Variants in NOVA1 observed in about 807,000 individuals in gnomAD.
The protein encoded by NOVA1 is NOVA alternative splicing regulator 1, also known as RNA-binding protein Nova-1.
In NOVA1, 7 loss-of-function variants were observed where a neutral mutation model predicts 38.0. The observed-to-expected ratio is 0.18, with a 90% CI of 0.10 to 0.35. The LOEUF (loss-of-function observed/expected upper bound fraction) is 0.35, where lower values mean the gene tolerates loss of function less well. Ranked by LOEUF, NOVA1 falls within the 10% of genes least tolerant of loss-of-function variation. The probability of loss-of-function intolerance (pLI) is 1.00; values close to 1 mark genes in which losing one functional copy is unlikely to be tolerated. For missense variants in NOVA1, 460 were observed against 616.0 expected (o/e 0.75, Z 2.68); for synonymous variants, 270 against 232.5 (o/e 1.16, Z -1.47).
chr14:26,568,742 T>C (rs1177616524), intron 2 of NOVA1, among the ~76,000 whole-genome samples: 2 of 152,164 alleles, frequency 1.3e-5, no homozygotes, highest in African/African-American at 4.8e-5. Flanking sequence ...CTTTTGTCTA[T>C]TGAACTTCCT....
intron 2 of NOVA1, among the ~76,000 whole-genome samples, chr14:26,492,605 A>G (rs546338989): frequency 5.5e-4 from 84 of 152,316 alleles, no homozygotes; most frequent in Admixed American, 1.4e-3. Context: ...CTGGTAATCT[A>G]TATTTTTCCA....
rs1024040622 is a variant in NOVA1 at position 26,443,385 on chromosome 14, T to G, written c.*4574A>C. On this transcript the variant is annotated 3_prime_UTR_variant, in exon 5 of 5. Coordinates refer to ENST00000539517, the MANE Select transcript of NOVA1 (RefSeq NM_002515.3). ...GAATACTTTAGAATTAAACAATATT[T>G]TATTTACAAATCTGATTTGATGTAC... is the stretch of plus-strand genomic sequence containing the variant. The G allele has an allele frequency of 6.6e-6, 1 of 152,022 alleles. No homozygotes were observed. The highest frequency in any genetic ancestry group is 2.4e-5 in the African/African-American group (1 of 41,466). The allele number at this position is 152,022 out of a possible 1,614,324, so 9.4% of individuals were successfully genotyped here. A position where few individuals can be genotyped will look rare whatever the true frequency, so the allele number is the denominator to read the frequency against.
At chr14:26,578,284 C>T (rs1392790791) in intron 2 of NOVA1, among the ~76,000 whole-genome samples, 1 of 151,416 alleles carries the variant, frequency 6.6e-6, no homozygotes, top group East Asian at 1.9e-4. Context: ...CAAGTATGGG[C>T]AACAAATTTG....
chr14:26,507,030 TA>T (rs1249150957), intron 2 of NOVA1, among the ~76,000 whole-genome samples: 1 of 152,224 alleles, frequency 6.6e-6, no homozygotes, highest in Non-Finnish European at 1.5e-5. Flanking sequence ...CAAACCATAT[TA>T]TTTTATTTTT....
At position 26,572,725 on chromosome 14, in the gene NOVA1, A is replaced by T. The variant is rs1594558856; in HGVS notation, c.280+22685T>A. On this transcript the variant is annotated intron_variant, in intron 2 of 4. Transcript: ENST00000539517. ...ACCTCAGCCTTATATAAGGAACCGCAGTGTGTGTGTGTGTGTGTGTGTGTG... is the reference window on the plus strand; with the variant it reads ...ACCTCAGCCTTATATAAGGAACCGCTGTGTGTGTGTGTGTGTGTGTGTGTG... 2.9e-5 allele frequency among the ~76,000 whole-genome samples: 4 copies of T among 138,466 alleles called. 1 individual carries two copies. Among genetic ancestry groups the T allele is most frequent in the South Asian group, 5.3e-4 (2 of 3,796 alleles). The allele number at this position is 138,466 out of a possible 152,430, so 90.8% of individuals were successfully genotyped here. A position where few individuals can be genotyped will look rare whatever the true frequency, so the allele number is the denominator to read the frequency against.
intron 2 of NOVA1, among the ~76,000 whole-genome samples, chr14:26,533,704 T>C (rs1889879982): frequency 3.3e-5 from 5 of 152,176 alleles, no homozygotes; most frequent in Non-Finnish European, 7.4e-5. Context: ...GTCTCTACCC[T>C]AAGAAAATTA....
chr14:26,537,878 G>A (rs1594491741), intron 2 of NOVA1, among the ~76,000 whole-genome samples: 1 of 152,132 alleles, frequency 6.6e-6, no homozygotes, highest in South Asian at 2.1e-4. Flanking sequence ...AGGAAACTGG[G>A]AATAGCTCCT....
chr14:26,463,426 T>C (rs1249829216), intron 4 of NOVA1, among the ~76,000 whole-genome samples: 2 of 152,208 alleles, frequency 1.3e-5, no homozygotes, highest in African/African-American at 4.8e-5. Context: ...CTGTGTGATG[T>C]TGATTCCAAT....
intron 3 of NOVA1, among the ~76,000 whole-genome samples, chr14:26,473,178 C>T (rs918062713): frequency 1.3e-5 from 2 of 151,640 alleles, no homozygotes; most frequent in African/African-American, 4.8e-5. Context: ...TTATTGTTCA[C>T]TTCTAAACAT....
intron 2 of NOVA1, among the ~76,000 whole-genome samples, chr14:26,574,733 C>G (rs1449224908): frequency 6.6e-6 from 1 of 152,170 alleles, no homozygotes; most frequent in Non-Finnish European, 1.5e-5. Flanking sequence ...ATCACGCTCA[C>G]TGCACCCTTA....
At chr14:26,595,993 A>G (rs781089323) in intron 1 of NOVA1, 6 of 338,834 alleles carry the variant, frequency 1.8e-5, no homozygotes, top group Non-Finnish European at 3.4e-5. Flanking sequence ...GTGATGAGCT[A>G]TATTTATTTG....
chr14:26,500,498 C>A (rs1887172131), intron 2 of NOVA1, among the ~76,000 whole-genome samples: 1 of 150,938 alleles, frequency 6.6e-6, no homozygotes, highest in Non-Finnish European at 1.5e-5. Flanking sequence ...ATCCTACCTC[C>A]CAGGAGAAAA....
chr14:26,470,157 G>T, intron 4 of NOVA1: 6 of 772,228 alleles, frequency 7.8e-6, no homozygotes, highest in South Asian at 9.1e-5. Flanking sequence ...TCTGAATATT[G>T]ACAGTCCATT....
chr14:26,477,716 T>G (rs965647670), intron 3 of NOVA1, among the ~76,000 whole-genome samples: 2 of 152,070 alleles, frequency 1.3e-5, no homozygotes, highest in African/African-American at 4.8e-5. Flanking sequence ...TCATTTAAAT[T>G]TATATATTTA....
At chr14:26,501,434 G>A (rs1476907593) in intron 2 of NOVA1, among the ~76,000 whole-genome samples, 1 of 151,798 alleles carries the variant, frequency 6.6e-6, no homozygotes, top group African/African-American at 2.4e-5. Flanking sequence ...TGTGCAACAA[G>A]CAAAATTAAT....
chr14:26,540,125 A>G (rs574691947), intron 2 of NOVA1, among the ~76,000 whole-genome samples: 20 of 152,304 alleles, frequency 1.3e-4, no homozygotes, highest in African/African-American at 4.6e-4. Flanking sequence ...GGGGTCCCCA[A>G]TCAGCCATCC....
At chr14:26,489,825 T>C (rs1285690923) in intron 2 of NOVA1, among the ~76,000 whole-genome samples, 1 of 152,036 alleles carries the variant, frequency 6.6e-6, no homozygotes, top group African/African-American at 2.4e-5. Flanking sequence ...AACAGAGTGA[T>C]ACTCTGTCTC....
At chr14:26,585,566 C>T (rs1398692093) in intron 2 of NOVA1, among the ~76,000 whole-genome samples, 2 of 151,258 alleles carry the variant, frequency 1.3e-5, no homozygotes, top group African/African-American at 4.8e-5. Context: ...CATGATTGGT[C>T]TTTTTCCTTA....
intron 2 of NOVA1, among the ~76,000 whole-genome samples, chr14:26,524,699 T>A (rs1021806897): frequency 3.3e-5 from 5 of 152,164 alleles, no homozygotes; most frequent in Non-Finnish European, 7.4e-5. Flanking sequence ...CCATGCAAAA[T>A]GTGAAGGAGT....
Sources: gnomAD v4.1 joint callset for allele counts (sites outside exome capture counted in the v4.1 genomes callset) on GRCh38, gnomAD v4.1.1 for gene constraint, MANE v1.5 for transcripts, NCBI Gene and HGNC (gene_info 2026-07-23, HGNC 2026-07-21) for gene names.